Variants in MORC2 observed in about 807,000 individuals in gnomAD.
MORC2 encodes the protein MORC family CW-type zinc finger 2.
A neutral mutation model predicts 136.0 loss-of-function variants in MORC2; 30 were observed. The observed-to-expected ratio is 0.22, with a 90% CI of 0.17 to 0.30. The LOEUF is 0.30. Ranked by LOEUF, MORC2 falls within the 10% of genes least tolerant of loss-of-function variation. The pLI is 1.00. For synonymous variants in MORC2, 439 were observed against 487.0 expected (o/e 0.90, Z 1.30); for missense variants, 922 against 1,333.1 (o/e 0.69, Z 4.80).
rs1470045358 is a variant in MORC2 at position 30,941,147 on chromosome 22, C to T, written c.824+286G>A. Among the ~76,000 whole-genome samples the T allele has an allele frequency of 1.3e-5, 2 of 152,164 alleles. No individual in the cohort carries two copies. Among genetic ancestry groups the T allele is most frequent in the Non-Finnish European group, 2.9e-5 (2 of 68,024 alleles). ...TATATAGTGTCTAAAGGCCCCTTGG[C>T]CCTAAAGCCAAGAGACTCAGACAGC... On this transcript the variant is annotated intron_variant, in intron 9 of 25. Transcript: ENST00000397641. This position sits in a 1 kb window ranked among gnomAD's most constrained non-coding sequence, Gnocchi z 4.6.
At chr22:30,948,321 C>T (rs1165262409) in intron 5 of MORC2, among the ~76,000 whole-genome samples, 2 of 152,170 alleles carry the variant, frequency 1.3e-5, no homozygotes, top group African/African-American at 4.8e-5. Context: ...CAGGGCTTCC[C>T]CTGATTCTAG....
rs1210127794 is a variant in MORC2, at chr22:30,949,851, G to A, written c.227-9C>T. 5.6e-6 allele frequency: 9 copies of A among 1,613,304 alleles called. No homozygotes were observed. The Admixed American group carries it at 6.7e-5, about 12-fold the overall frequency. ...CACACTGGCAGCATCACCTGAAAGG[G>A]CAGACACAAGAGAAAGTGAAAAGTT... On this transcript the variant is annotated splice_polypyrimidine_tract_variant and intron_variant, in intron 4 of 25. Coordinates refer to ENST00000397641, the MANE Select transcript of MORC2 (RefSeq NM_001303256.3).
rs901120411 is a variant in MORC2, at chr22:30,928,107, C to T, written c.2942G>A (p.Arg981His). The change falls in exon 25 of 26, where the codon CGC (arginine) becomes CAC (histidine). Residue 981 changes from arginine (R) to histidine (H), a missense_variant. Arg to His is a conservative substitution (Grantham distance 29). Transcript: ENST00000397641. ...SRAKASEESL[R>H]TSERKLRETE... is the part of the protein sequence containing the mutation. ...CTCGCGGAGCTTCCTCTCGGAGGTG[C>T]GCAGGCTTTCCTCGGAGGCCTTGGC... 9.9e-6 allele frequency: 16 copies of T among 1,613,958 alleles called. No homozygotes were observed. The highest frequency in any genetic ancestry group is 2.2e-5 in the East Asian group (1 of 44,894).
rs2040738162 is a variant in MORC2, at chr22:30,941,297, C to T, written c.824+136G>A. On this transcript the variant is annotated intron_variant, in intron 9 of 25. Transcript: ENST00000397641. This position sits in a 1 kb window ranked among gnomAD's most constrained non-coding sequence, Gnocchi z 4.6. ...CCAGAACTGACCCTGTGACCAATCA[C>T]AGGCAACTTAAAGTCCCAAACGTAG... is the stretch of plus-strand genomic sequence containing the variant. 8.4e-6 allele frequency: 11 copies of T among 1,302,150 alleles called. No homozygotes were observed. Among genetic ancestry groups the T allele is most frequent in the Non-Finnish European group, 9.3e-6 (9 of 968,646 alleles). 80.7% of individuals were successfully genotyped at this position (1,302,150 alleles called of 1,614,324 possible).
intron 12 of MORC2, 127 bp downstream of exon 12, chr22:30,939,494 G>A: frequency 1.1e-6 from 1 of 869,744 alleles, no homozygotes; most frequent in South Asian, 1.7e-5. Context: ...CTTCCCTCCT[G>A]CAGGAGGCAT....
intron 24 of MORC2, chr22:30,929,751 ACT>A (rs2040544963): frequency 6.6e-6 from 1 of 151,566 alleles, no homozygotes; most frequent in Non-Finnish European, 1.5e-5. Context: ...ACAGAACGAG[ACT>A]CTGTCTCAAA....
chr22:30,949,210 G>A (rs927680057), intron 5 of MORC2, among the ~76,000 whole-genome samples: 2 of 152,148 alleles, frequency 1.3e-5, no homozygotes, highest in African/African-American at 4.8e-5. Context: ...GGGAACTAAG[G>A]CTAAGAAAAA....
At chr22:30,950,565 T>G in intron 3 of MORC2, 120 bp from the exon 4 acceptor site, 1 of 908,430 alleles carries the variant, frequency 1.1e-6, no homozygotes, top group Non-Finnish European at 1.7e-6. Flanking sequence ...AAGCCTAAAC[T>G]TTCTACGCTG....
At chr22:30,952,932 T>C (rs1016785749) in intron 3 of MORC2, among the ~76,000 whole-genome samples, 24 of 152,330 alleles carry the variant, frequency 1.6e-4, no homozygotes, top group African/African-American at 5.5e-4. Context: ...AAATGTAGTA[T>C]GGGTAAGAAT....
chr22:30,967,751 G>C, intron 1 of MORC2, 71 bp downstream of exon 1: 7 of 1,542,678 alleles, frequency 4.5e-6, no homozygotes, highest in Non-Finnish European at 6.1e-6. Context: ...AAATTTTCTG[G>C]GGAAACGATT....
intron 4 of MORC2, 70 bp downstream of exon 4, chr22:30,950,307 C>T (rs757374623): frequency 6.6e-6 from 10 of 1,516,824 alleles, no homozygotes; most frequent in Non-Finnish European, 9.1e-6. Flanking sequence ...CAAGTTCACA[C>T]AATAAGTATT....
At chr22:30,955,808 A>C (rs1299494049) in intron 3 of MORC2, among the ~76,000 whole-genome samples, 3 of 151,954 alleles carry the variant, frequency 2.0e-5, no homozygotes, top group African/African-American at 7.3e-5. Flanking sequence ...CATGAGTTTG[A>C]GACCAGCCTG....
intron 25 of MORC2, 42 bp downstream of exon 25, chr22:30,927,977 G>A (rs1448449856): frequency 1.2e-6 from 2 of 1,608,142 alleles, no homozygotes; most frequent in East Asian, 2.2e-5. Context: ...CTCCCTGAGA[G>A]ACCAGGTGGT....
chr22:30,945,092 C>T (rs1190096460), intron 6 of MORC2, among the ~76,000 whole-genome samples: 1 of 152,230 alleles, frequency 6.6e-6, no homozygotes, highest in East Asian at 1.9e-4. Flanking sequence ...CCACAGCCCT[C>T]AGGGCCTTAA....
rs746013134 is a variant in MORC2, at chr22:30,937,012, G to C, written c.1524C>G (p.Leu508=). Residue 508 remains leucine (L), a synonymous_variant, in exon 16 of 26, where the codon CTC becomes CTG. Transcript: ENST00000397641. The surrounding 1 kb of genome is among the most constrained non-coding windows in gnomAD (Gnocchi z 4.7). The part of the protein sequence containing the change: ...QCDLCLKWRT[L]PFQLSSVEKD... ...TTTCCACAGAACTCAGCTGGAAGGG[G>C]AGGGTTCTCCATTTCAGACACAAAT... 12 of 1,613,968 alleles carry C rather than the reference G, an allele frequency of 7.4e-6. No individual in the cohort carries two copies. Among genetic ancestry groups the C allele is most frequent in the Non-Finnish European group, 7.6e-6 (9 of 1,180,008 alleles).
intron 3 of MORC2, among the ~76,000 whole-genome samples, chr22:30,954,931 G>T (rs940307631): frequency 6.6e-6 from 1 of 150,546 alleles, no homozygotes; most frequent in Non-Finnish European, 1.5e-5. Flanking sequence ...GCTTGGAAAG[G>T]CACCTCCATC....
intron 16 of MORC2, 71 bp from the exon 17 acceptor site, chr22:30,936,714 G>C (rs764854397): frequency 2.5e-6 from 4 of 1,576,962 alleles, no homozygotes; most frequent in Non-Finnish European, 3.4e-6. Context: ...TTTCTCTTCA[G>C]CCAGTCTACA....
At chr22:30,935,751 T>G (rs895138841) in intron 17 of MORC2, among the ~76,000 whole-genome samples, 24 of 151,828 alleles carry the variant, frequency 1.6e-4, no homozygotes, top group African/African-American at 5.8e-4. Context: ...CTAAATATGA[T>G]AAACAGATGA....
At chr22:30,961,391 G>C (rs2041043061) in intron 1 of MORC2, among the ~76,000 whole-genome samples, 1 of 152,112 alleles carries the variant, frequency 6.6e-6, no homozygotes, top group African/African-American at 2.4e-5. Flanking sequence ...GGTTAAAAGT[G>C]AATCTAACAT....
Sources: allele counts gnomAD v4.1 joint callset (sites outside exome capture counted in the v4.1 genomes callset), GRCh38; gene constraint gnomAD v4.1.1; non-coding constraint Gnocchi (gnomAD v3.1); transcripts MANE v1.5; gene names NCBI Gene and HGNC (gene_info 2026-07-23, HGNC 2026-07-21).